Variants in FAM135B observed in about 807,000 individuals in gnomAD.
The protein encoded by FAM135B is family with sequence similarity 135 member B.
In FAM135B, 43 loss-of-function variants were observed where a neutral mutation model predicts 127.7. The ratio of observed to expected loss-of-function variants is 0.34; its 90% CI spans 0.26 to 0.43. FAM135B has a LOEUF of 0.43. Among genes scored for constraint, FAM135B ranks in the 20% least tolerant of loss-of-function variants. FAM135B has a pLI of 1.00. For missense variants in FAM135B, 1,558 were observed against 1,725.6 expected (o/e 0.90, Z 1.72); for synonymous variants, 670 against 665.1 (o/e 1.01, Z -0.11).
intron 1 of FAM135B, among the ~76,000 whole-genome samples, chr8:138,450,987 A>G (rs1335750978): frequency 6.6e-6 from 1 of 152,240 alleles, no homozygotes; most frequent in East Asian, 1.9e-4. Flanking sequence ...TAATTTGACA[A>G]TTATCACAAA....
intron 2 of FAM135B, among the ~76,000 whole-genome samples, chr8:138,357,537 T>C (rs1429580360): frequency 1.3e-5 from 2 of 152,196 alleles, no homozygotes; most frequent in Non-Finnish European, 2.9e-5. Context: ...ATTTCCACAG[T>C]ATGCATATTT....
At chr8:138,263,149 AC>A (rs1822668229) in intron 4 of FAM135B, among the ~76,000 whole-genome samples, 1 of 152,106 alleles carries the variant, frequency 6.6e-6, no homozygotes, top group South Asian at 2.1e-4. Context: ...TTAAAAAAAA[AC>A]AAAACACTGT....
At chr8:138,481,441 A>G (rs993670240) in intron 1 of FAM135B, among the ~76,000 whole-genome samples, 13 of 152,252 alleles carry the variant, frequency 8.5e-5, no homozygotes, top group Non-Finnish European at 1.6e-4. Flanking sequence ...CTTCAGGTCA[A>G]TTAGCTTGCA....
intron 2 of FAM135B, among the ~76,000 whole-genome samples, chr8:138,328,293 C>G (rs1827944262): frequency 6.6e-6 from 1 of 152,156 alleles, no homozygotes; most frequent in African/African-American, 2.4e-5. Context: ...CATTTTGGCT[C>G]ACTCCTAAGA....
chr8:138,335,854 A>G (rs2131022476), intron 2 of FAM135B, among the ~76,000 whole-genome samples: 1 of 152,350 alleles, frequency 6.6e-6, no homozygotes. Flanking sequence ...ACATAGTTGG[A>G]AGTAAAGCAC....
intron 1 of FAM135B, among the ~76,000 whole-genome samples, chr8:138,469,563 C>G (rs969999007): frequency 2.0e-5 from 3 of 152,172 alleles, no homozygotes; most frequent in South Asian, 2.1e-4. Context: ...CCTATTACAA[C>G]TGGACAATGG....
At chr8:138,351,167 A>G (rs998572666) in intron 2 of FAM135B, among the ~76,000 whole-genome samples, 9 of 152,210 alleles carry the variant, frequency 5.9e-5, no homozygotes, top group Middle Eastern at 3.2e-3. Context: ...TCACCTGTAC[A>G]GGCTGAATTG....
intron 3 of FAM135B, among the ~76,000 whole-genome samples, chr8:138,284,910 T>C (rs994202476): frequency 3.3e-5 from 5 of 152,034 alleles, no homozygotes; most frequent in African/African-American, 9.7e-5. Context: ...TAATACACTG[T>C]TTAGCACCCA....
In FAM135B at chr8:138,167,985, G is replaced by A. The variant is rs2130901980; in HGVS notation, c.1168C>T (p.Pro390Ser). The A allele has an allele frequency of 1.2e-6, 2 of 1,613,996 alleles. No homozygotes were observed. The highest frequency in any genetic ancestry group is 1.7e-6 in the Non-Finnish European group (2 of 1,179,938). The change falls in exon 12 of 20, where the codon CCG becomes TCG. Residue 390 changes from proline (P) to serine (S), a missense_variant. By Grantham distance (74) the Pro-to-Ser change is moderately conservative. This residue lies in a region of FAM135B where 115 missense variants were observed against 171.1 expected (regional missense o/e 0.67). Transcript: ENST00000395297. ...RNSEYLTSMP[P>S]LPAECLDIDG... is the part of the protein sequence containing the mutation. The stretch of plus-strand genomic sequence containing the variant: ...ATGTCCAGGCACTCTGCAGGCAGCG[G>A]GGGCATGCTAGTGAGGTACTCCGAG...
Position 138,153,188 on chromosome 8 carries a change from A to C in FAM135B, c.1287T>G (p.Phe429Leu), listed in dbSNP as rs753275713. 6.3e-7 allele frequency: 1 copy of C among 1,586,324 alleles called. No individual in the cohort carries two copies. ...TGHNLSVYPN[F>L]DVPVTSPTIM... ...TTGTAGGACTTGTCACTGGAACATC[A>C]AAATTAGGATAAACACTCAAGTTAT... Residue 429 changes from phenylalanine (F) to leucine (L), a missense_variant, in exon 13 of 20, where the codon TTT becomes TTG. Phe to Leu is a conservative substitution (Grantham distance 22, BLOSUM62 0). Coordinates refer to ENST00000395297, the MANE Select transcript of FAM135B (RefSeq NM_015912.4).
At chr8:138,417,768 A>C (rs183049372) in intron 1 of FAM135B, among the ~76,000 whole-genome samples, 61 of 152,304 alleles carry the variant, frequency 4.0e-4, no homozygotes, top group Middle Eastern at 6.8e-3. Flanking sequence ...AGCCCAAACT[A>C]TACCACAGTC....
intron 7 of FAM135B, among the ~76,000 whole-genome samples, chr8:138,235,314 C>T (rs1586843307): frequency 1.3e-5 from 2 of 152,286 alleles, no homozygotes; most frequent in South Asian, 2.1e-4. Context: ...TCCATTGCTG[C>T]ATCACAAACC....
At chr8:138,227,494 T>G (rs995125523) in intron 7 of FAM135B, among the ~76,000 whole-genome samples, 2 of 152,192 alleles carry the variant, frequency 1.3e-5, no homozygotes, top group African/African-American at 4.8e-5. Flanking sequence ...ACGTTTGGCA[T>G]GCTATGAGAG....
At chr8:138,250,625 T>G (rs1397656328) in intron 6 of FAM135B, among the ~76,000 whole-genome samples, 1 of 152,112 alleles carries the variant, frequency 6.6e-6, no homozygotes, top group Non-Finnish European at 1.5e-5. Flanking sequence ...AGCCATAGTT[T>G]GCAGGTTTTC....
chr8:138,149,110 C>T (rs962159698), intron 13 of FAM135B, among the ~76,000 whole-genome samples: 3 of 149,788 alleles, frequency 2.0e-5, no homozygotes, highest in African/African-American at 7.4e-5. Context: ...GCACATGTAC[C>T]CTAAAACTTA....
At chr8:138,250,719 C>A in intron 6 of FAM135B, 122 bp downstream of exon 6, 2 of 1,107,958 alleles carry the variant, frequency 1.8e-6, no homozygotes, top group Non-Finnish European at 2.6e-6. Flanking sequence ...AAAGCTTAAA[C>A]CTGCAGCCTT....
chr8:138,243,216 C>T lies in FAM135B; in HGVS notation c.543-148G>A, dbSNP rs1820985969. On this transcript the variant is annotated intron_variant, in intron 6 of 19. Transcript: ENST00000395297. The surrounding 1 kb of genome is among the most constrained non-coding windows in gnomAD (Gnocchi z 7.5). ...CCCCCTAGGGAGTGTTTGCATGTGACATTTGTGGATATTTTGATGATAAAG... is the reference window on the plus strand; with the variant it reads ...CCCCCTAGGGAGTGTTTGCATGTGATATTTGTGGATATTTTGATGATAAAG... The T allele has an allele frequency of 3.4e-6, 3 of 884,210 alleles. No homozygotes were observed. Among genetic ancestry groups the T allele is most frequent in the South Asian group, 2.1e-5 (1 of 47,146 alleles). 54.8% of individuals were successfully genotyped at this position (884,210 alleles called of 1,614,324 possible). A position where few individuals can be genotyped will look rare whatever the true frequency, so the allele number is the denominator to read the frequency against.
At position 138,212,940 on chromosome 8, in the gene FAM135B, A is replaced by T. The variant is rs577435879; in HGVS notation, c.670-15271T>A. On this transcript the variant is annotated intron_variant, in intron 7 of 19. Coordinates refer to ENST00000395297, the MANE Select transcript of FAM135B (RefSeq NM_015912.4). Reference sequence around the variant, plus strand: ...ATGTGGCTTGAAGGTCCGATTTTTTAAAAAAAATTACTAGTCTCCAATTTA... The same window carrying T: ...ATGTGGCTTGAAGGTCCGATTTTTTTAAAAAAATTACTAGTCTCCAATTTA... Among the ~76,000 whole-genome samples the T allele has an allele frequency of 1.4e-3, 213 of 152,194 alleles. 2 individuals are homozygous for T. Among genetic ancestry groups the T allele is most frequent in the South Asian group, 2.3e-3 (11 of 4,820 alleles).
chr8:138,469,508 A>G (rs922920915), intron 1 of FAM135B, among the ~76,000 whole-genome samples: 3 of 152,190 alleles, frequency 2.0e-5, no homozygotes, highest in Admixed American at 2.0e-4. Flanking sequence ...CTAGGGAAGC[A>G]AAGTAGGAAG....
Sources: gnomAD v4.1 joint callset for allele counts (sites outside exome capture counted in the v4.1 genomes callset) on GRCh38, gnomAD v4.1.1 for gene constraint, gnomAD v4.1.1 regional missense constraint, Gnocchi (gnomAD v3.1) non-coding constraint, MANE v1.5 for transcripts, NCBI Gene and HGNC (gene_info 2026-07-23, HGNC 2026-07-21) for gene names.